KIAA1217: variants seen among roughly 807,000 people sequenced by gnomAD.
The protein encoded by KIAA1217 is KIAA1217.
Under a neutral mutation model 163.9 loss-of-function variants are expected in KIAA1217, and 88 were observed. That is an observed-to-expected ratio of 0.54 (90% CI 0.45 to 0.64). The LOEUF (loss-of-function observed/expected upper bound fraction) is 0.64, where lower values mean the gene tolerates loss of function less well. KIAA1217 is among the 30% of genes least tolerant of loss of function. KIAA1217 has a pLI of 0.00. For missense variants in KIAA1217, 2,372 were observed against 2,475.0 expected (o/e 0.96, Z 0.88); for synonymous variants, 903 against 923.1 (o/e 0.98, Z 0.39).
chr10:24,069,043 G>A (rs978645541), intron 2 of KIAA1217, among the ~76,000 whole-genome samples: 1 of 152,162 alleles, frequency 6.6e-6, no homozygotes, highest in Non-Finnish European at 1.5e-5. Context: ...CAATCCAACT[G>A]CTTCCCTCCA....
intron 1 of KIAA1217, among the ~76,000 whole-genome samples, chr10:23,955,930 T>C (rs1317552503): frequency 2.0e-5 from 3 of 152,180 alleles, no homozygotes; most frequent in Non-Finnish European, 2.9e-5. Flanking sequence ...CCTGCAATCT[T>C]TAGATTCGAG....
chr10:24,052,297 A>T (rs1422998510), intron 2 of KIAA1217, among the ~76,000 whole-genome samples: 1 of 152,098 alleles, frequency 6.6e-6, no homozygotes, highest in African/African-American at 2.4e-5. Flanking sequence ...TCTCTAATGG[A>T]TCTGATAAAG....
At chr10:24,504,379 C>T (rs570011835) in intron 9 of KIAA1217, among the ~76,000 whole-genome samples, 3 of 152,192 alleles carry the variant, frequency 2.0e-5, no homozygotes, top group South Asian at 4.1e-4. Context: ...CTGGCTGTTA[C>T]TGTTTCTACC....
At chr10:23,854,673 A>T (rs987346157) in intron 1 of KIAA1217, among the ~76,000 whole-genome samples, 1 of 152,136 alleles carries the variant, frequency 6.6e-6, no homozygotes, top group Non-Finnish European at 1.5e-5. Context: ...TTCACTCAGG[A>T]CTTGCTTTAT....
intron 1 of KIAA1217, among the ~76,000 whole-genome samples, chr10:23,841,142 C>T (rs1838760258): frequency 6.6e-6 from 1 of 152,134 alleles, no homozygotes. Context: ...ATATATGTGA[C>T]TTTTATTACT....
At chr10:23,852,395 C>G (rs1839397409) in intron 1 of KIAA1217, among the ~76,000 whole-genome samples, 1 of 152,124 alleles carries the variant, frequency 6.6e-6, no homozygotes, top group African/African-American at 2.4e-5. Context: ...GGTACCAGTA[C>G]CATGCCGTTT....
intron 1 of KIAA1217, among the ~76,000 whole-genome samples, chr10:23,901,623 A>AGTTC (rs1841957570): frequency 2.0e-5 from 3 of 152,114 alleles, no homozygotes; most frequent in Non-Finnish European, 4.4e-5. Context: ...GAACTGAAAT[A>AGTTC]TTTGGCTAGG....
At chr10:24,491,776 A>G (rs2066181630) in intron 6 of KIAA1217, among the ~76,000 whole-genome samples, 1 of 152,122 alleles carries the variant, frequency 6.6e-6, no homozygotes, top group South Asian at 2.1e-4. Flanking sequence ...CTCTACATAA[A>G]TGAGACCTAC....
chr10:23,910,670 TG>T (rs1299829660), intron 1 of KIAA1217, among the ~76,000 whole-genome samples: 10 of 152,234 alleles, frequency 6.6e-5, no homozygotes, highest in Non-Finnish European at 1.5e-4. Flanking sequence ...GGAGACAGCC[TG>T]CAGCTGTTTT....
intron 2 of KIAA1217, among the ~76,000 whole-genome samples, chr10:24,178,140 C>G (rs2065996657): frequency 6.6e-6 from 1 of 152,100 alleles, no homozygotes; most frequent in African/African-American, 2.4e-5. Context: ...CATTGTTTTA[C>G]CATTATCTCT....
At chr10:23,988,374 C>T (rs1272466407) in intron 1 of KIAA1217, among the ~76,000 whole-genome samples, 2 of 152,146 alleles carry the variant, frequency 1.3e-5, no homozygotes, top group Non-Finnish European at 2.9e-5. Flanking sequence ...CAATAGTTTC[C>T]TGGGGTCTCT....
chr10:24,352,543 G>A (rs951851577), intron 2 of KIAA1217, among the ~76,000 whole-genome samples: 2 of 152,016 alleles, frequency 1.3e-5, no homozygotes, highest in African/African-American at 4.8e-5. Context: ...TGTTCCATCT[G>A]TTTAGACTCC....
intron 17 of KIAA1217, 53 bp from the exon 18 acceptor site, chr10:24,542,638 CTT>C (rs34102005): frequency 6.3e-7 from 1 of 1,597,144 alleles, no homozygotes; most frequent in Non-Finnish European, 8.6e-7. Flanking sequence ...TTATAGTCCA[CTT>C]TTTTGGGGGG....
intron 10 of KIAA1217, among the ~76,000 whole-genome samples, chr10:24,514,941 G>A (rs1000015696): frequency 1.3e-5 from 2 of 151,822 alleles, no homozygotes; most frequent in African/African-American, 2.4e-5. Flanking sequence ...GTGGTGAGCC[G>A]AGATTGCACC....
rs552105577 is a variant in KIAA1217 at position 24,024,919 on chromosome 10, T to C, written c.-171+17545T>C. On this transcript the variant is annotated intron_variant, in intron 2 of 18. Transcript: ENST00000376462. The stretch of plus-strand genomic sequence containing the variant: ...TTGATTTTTAAGAATTCTTTATATA[T>C]TGCAGATGCAAGTCTGTTATCAGAA... Among the ~76,000 whole-genome samples, 3 of 151,934 alleles carry C rather than the reference T, an allele frequency of 2.0e-5. No homozygotes were observed. In the East Asian group the frequency reaches 5.8e-4, roughly 29 times the overall value.
At chr10:24,423,750 G>A (rs139454053) in intron 3 of KIAA1217, among the ~76,000 whole-genome samples, 20 of 152,254 alleles carry the variant, frequency 1.3e-4, no homozygotes, top group African/African-American at 3.6e-4. Context: ...TGCCCAGGTT[G>A]GTCTCAAATT....
chr10:23,790,584 T>A (rs1268032423), intron 1 of KIAA1217, among the ~76,000 whole-genome samples: 1 of 127,690 alleles, frequency 7.8e-6, no homozygotes, highest in African/African-American at 3.2e-5. Context: ...CATATGTATA[T>A]GTACATATAT....
At chr10:24,024,544 C>T (rs1313173473) in intron 2 of KIAA1217, among the ~76,000 whole-genome samples, 1 of 151,602 alleles carries the variant, frequency 6.6e-6, no homozygotes, top group African/African-American at 2.4e-5. Flanking sequence ...AGTAATTCTA[C>T]ATGTGGATAT....
In KIAA1217 at chr10:24,441,067, G is replaced by C. The variant is rs531885524; in HGVS notation, c.846+2588G>C. Among the ~76,000 whole-genome samples the C allele has an allele frequency of 2.6e-5, 4 of 152,346 alleles. No homozygotes were observed. The East Asian group carries it at 7.7e-4, about 29-fold the overall frequency. On this transcript the variant is annotated intron_variant, in intron 5 of 20. Transcript: ENST00000376454. ...AACCCACTGCCCATGGTGGAGAACA[G>C]AAACAGAGAACAGAGCAAGCATCAA...
Sources: gnomAD v4.1 joint callset for allele counts (sites outside exome capture counted in the v4.1 genomes callset) on GRCh38, gnomAD v4.1.1 for gene constraint, MANE v1.5 for transcripts, NCBI Gene and HGNC (gene_info 2026-07-23, HGNC 2026-07-21) for gene names.